The following PDE4D variants were observed in gnomAD, a reference collection of about 807,000 sequenced individuals.
The protein encoded by PDE4D is phosphodiesterase 4D.
Under a neutral mutation model 87.4 loss-of-function variants are expected in PDE4D, and 24 were observed. That is an observed-to-expected ratio of 0.27 (90% CI 0.20 to 0.39). The LOEUF (loss-of-function observed/expected upper bound fraction) is 0.39. Among genes scored for constraint, PDE4D ranks in the 10% least tolerant of loss-of-function variants. The probability of loss-of-function intolerance (pLI) is 1.00; values close to 1 mark genes in which losing one functional copy is unlikely to be tolerated. For synonymous variants in PDE4D, 384 were observed against 383.2 expected, an observed-to-expected ratio of 1.00 and a Z score of -0.02; for missense variants, 714 against 1,041.0, an observed-to-expected ratio of 0.69 and a Z score of 4.32.
intron 1 of PDE4D, among the ~76,000 whole-genome samples, chr5:59,613,113 A>T (rs1829212259): frequency 6.6e-6 from 1 of 152,154 alleles, no homozygotes; most frequent in South Asian, 2.1e-4. Context: ...CAGGTGGGAA[A>T]GTTGGTGGCC....
rs367594136 is a variant in PDE4D, at chr5:59,738,756, T to C, written c.455+154412A>G. Reference sequence around the variant, plus strand: ...TCTAGAGTATATTTATCTTTAATATTCTATAATTTGTAAAATAATACCTAT... The same window carrying C: ...TCTAGAGTATATTTATCTTTAATATCCTATAATTTGTAAAATAATACCTAT... On this transcript the variant is annotated intron_variant, in intron 1 of 14. Coordinates refer to ENST00000340635, the MANE Select transcript of PDE4D (RefSeq NM_001104631.2). 8.6e-5 allele frequency among the ~76,000 whole-genome samples: 13 copies of C among 151,910 alleles called. No individual in the cohort carries two copies. The East Asian group carries it at 2.3e-3, about 27-fold the overall frequency.
intron 2 of PDE4D, among the ~76,000 whole-genome samples, chr5:60,034,228 G>A: frequency 6.6e-6 from 1 of 152,218 alleles, no homozygotes; most frequent in South Asian, 2.1e-4. Context: ...TGGATGGGAA[G>A]TGCATTCATT....
At chr5:60,195,012 A>AATTCTTTGC (rs1313815437) in intron 1 of PDE4D, among the ~76,000 whole-genome samples, 2 of 151,604 alleles carry the variant, frequency 1.3e-5, no homozygotes, top group Non-Finnish European at 3.0e-5. Flanking sequence ...AACCACTTGT[A>AATTCTTTGC]ATTCTTTGCA....
intron 1 of PDE4D, among the ~76,000 whole-genome samples, chr5:59,502,239 TCAA>T (rs1389885198): frequency 1.3e-5 from 2 of 152,142 alleles, no homozygotes; most frequent in Non-Finnish European, 2.9e-5. Flanking sequence ...ACACCTGTGG[TCAA>T]CAAAATACCT....
At chr5:59,439,357 CAAAAAAAAA>C (rs3061710) in intron 1 of PDE4D, among the ~76,000 whole-genome samples, 1,059 of 72,576 alleles carry the variant, frequency 0.015, 14 homozygotes, top group African/African-American at 0.041. Flanking sequence ...AAGACTCTGT[CAAAAAAAAA>C]AAAAAAAAAA....
intron 2 of PDE4D, among the ~76,000 whole-genome samples, chr5:60,020,424 T>C (rs1765930701): frequency 6.6e-6 from 1 of 151,858 alleles, no homozygotes; most frequent in Non-Finnish European, 1.5e-5. Flanking sequence ...GGTGAAAAAA[T>C]AAAATATCTG....
At chr5:59,913,448 T>C (rs958316534) in intron 3 of PDE4D, among the ~76,000 whole-genome samples, 1 of 152,150 alleles carries the variant, frequency 6.6e-6, no homozygotes, top group African/African-American at 2.4e-5. Flanking sequence ...AAATTACACA[T>C]TCATAAGACT....
chr5:59,802,700 A>G lies in PDE4D; in HGVS notation c.455+90468T>C, dbSNP rs185556324. Among the ~76,000 whole-genome samples the G allele has an allele frequency of 2.6e-3, 398 of 152,188 alleles. 1 individual carries two copies. Among genetic ancestry groups the G allele is most frequent in the Middle Eastern group, 0.01 (3 of 294 alleles). Reference sequence around the variant, plus strand: ...GTGTGAGCCACTGTGCCCAGCCTCCATATTCTTACATGAGCAAGAAGCAAG... The same window carrying G: ...GTGTGAGCCACTGTGCCCAGCCTCCGTATTCTTACATGAGCAAGAAGCAAG... On this transcript the variant is annotated intron_variant, in intron 1 of 14. Coordinates refer to ENST00000340635, the MANE Select transcript of PDE4D (RefSeq NM_001104631.2).
intron 3 of PDE4D, among the ~76,000 whole-genome samples, chr5:59,942,905 A>G (rs1757332668): frequency 6.6e-6 from 1 of 151,716 alleles, no homozygotes; most frequent in Non-Finnish European, 1.5e-5. Context: ...TCTAGAGACA[A>G]CTTTGATTGC....
At chr5:59,300,943 A>G (rs1167040407) in intron 1 of PDE4D, among the ~76,000 whole-genome samples, 1 of 152,144 alleles carries the variant, frequency 6.6e-6, no homozygotes, top group Non-Finnish European at 1.5e-5. Context: ...TATGTTTGCT[A>G]GTTTATTATA....
chr5:59,911,650 A>C (rs979808032), intron 3 of PDE4D, among the ~76,000 whole-genome samples: 1 of 152,224 alleles, frequency 6.6e-6, no homozygotes, highest in East Asian at 1.9e-4. Flanking sequence ...CTGGGCAGTT[A>C]CAGGAGCATC....
chr5:59,394,609 C>T (rs199762125), intron 1 of PDE4D, among the ~76,000 whole-genome samples: 1 of 151,772 alleles, frequency 6.6e-6, no homozygotes, highest in African/African-American at 2.4e-5. Flanking sequence ...TACAATTGTG[C>T]TTTATTACTA....
At chr5:59,622,937 G>T (rs946157752) in intron 1 of PDE4D, among the ~76,000 whole-genome samples, 2 of 151,942 alleles carry the variant, frequency 1.3e-5, no homozygotes, top group Non-Finnish European at 2.9e-5. Flanking sequence ...TTATCGTTGT[G>T]ATCACCACCC....
At chr5:60,282,594 T>C (rs1428349446) in intron 1 of PDE4D, among the ~76,000 whole-genome samples, 1 of 152,224 alleles carries the variant, frequency 6.6e-6, no homozygotes, top group African/African-American at 2.4e-5. Flanking sequence ...CTTGTCTTCT[T>C]TCTTTTATAA....
intron 1 of PDE4D, among the ~76,000 whole-genome samples, chr5:59,236,828 A>G (rs1756551147): frequency 6.6e-6 from 1 of 152,156 alleles, no homozygotes; most frequent in African/African-American, 2.4e-5. Context: ...AAAGAAAGGC[A>G]GGAAGAAAGG....
At chr5:58,999,869 T>C (rs1207276554) in intron 6 of PDE4D, 3 of 986,748 alleles carry the variant, frequency 3.0e-6, no homozygotes, top group African/African-American at 1.7e-5. Context: ...TAATGAATAA[T>C]GTATGTCAAG....
intron 3 of PDE4D, among the ~76,000 whole-genome samples, chr5:59,943,411 TACTC>T: frequency 6.6e-6 from 1 of 152,254 alleles, no homozygotes; most frequent in Admixed American, 6.5e-5. Context: ...AGATATCTCT[TACTC>T]ACCTTCTAAA....
chr5:59,857,179 A>G (rs1745562548), intron 1 of PDE4D, among the ~76,000 whole-genome samples: 1 of 152,212 alleles, frequency 6.6e-6, no homozygotes, highest in Admixed American at 6.5e-5. Context: ...CTAAAGCTAC[A>G]GATCTACATC....
chr5:60,309,039 A>G (rs1271817650), intron 1 of PDE4D, among the ~76,000 whole-genome samples: 1 of 152,152 alleles, frequency 6.6e-6, no homozygotes, highest in Non-Finnish European at 1.5e-5. Flanking sequence ...CTCTAAAAGT[A>G]CATGGCTTTC....
Sources: allele counts gnomAD v4.1 joint callset (sites outside exome capture counted in the v4.1 genomes callset), GRCh38; gene constraint gnomAD v4.1.1; transcripts MANE v1.5; gene names NCBI Gene and HGNC (gene_info 2026-07-23, HGNC 2026-07-21).